TRPC4: variants seen among roughly 807,000 people sequenced by gnomAD.
TRPC4 encodes the protein transient receptor potential cation channel subfamily C member 4, also known as short transient receptor potential channel 4.
In TRPC4, 49 loss-of-function variants were observed where a neutral mutation model predicts 99.4. That is an observed-to-expected ratio of 0.49 (90% CI 0.39 to 0.63). The LOEUF is 0.63. Ranked by LOEUF, TRPC4 falls within the 20% of genes least tolerant of loss-of-function variation. The pLI is 0.00. For missense variants in TRPC4, 898 were observed against 1,152.9 expected, an observed-to-expected ratio of 0.78 and a Z score of 3.20; for synonymous variants, 454 against 425.9, an observed-to-expected ratio of 1.07 and a Z score of -0.81.
chr13:37,696,044 G>A (rs981476263), intron 3 of TRPC4, among the ~76,000 whole-genome samples: 3 of 152,230 alleles, frequency 2.0e-5, no homozygotes, highest in African/African-American at 4.8e-5. Context: ...TTACAGAAGA[G>A]GTTTAATGGA....
At chr13:37,810,110 T>G (rs1566187145) in intron 1 of TRPC4, among the ~76,000 whole-genome samples, 1 of 152,112 alleles carries the variant, frequency 6.6e-6, no homozygotes, top group Non-Finnish European at 1.5e-5. Context: ...ATTCTGGATT[T>G]TACAATGATG....
intron 1 of TRPC4, among the ~76,000 whole-genome samples, chr13:37,812,321 A>T (rs1028115982): frequency 1.3e-5 from 2 of 151,754 alleles, no homozygotes; most frequent in African/African-American, 4.9e-5. Context: ...CATCTAATCA[A>T]AGACTATCAA....
intron 1 of TRPC4, among the ~76,000 whole-genome samples, chr13:37,785,425 G>A (rs1357606556): frequency 7.9e-5 from 12 of 152,006 alleles, no homozygotes; most frequent in Admixed American, 7.9e-4. Flanking sequence ...TTCAATTTCA[G>A]CATTATGCAT....
intron 3 of TRPC4, 75 bp from the exon 4 acceptor site, chr13:37,692,410 C>G (rs1953747316): frequency 3.2e-6 from 4 of 1,247,146 alleles, no homozygotes; most frequent in Non-Finnish European, 4.4e-6. Context: ...AATAAGAACA[C>G]AATTGTGATC....
chr13:37,645,156 G>C (rs1593422327), intron 8 of TRPC4, among the ~76,000 whole-genome samples: 1 of 152,098 alleles, frequency 6.6e-6, no homozygotes, highest in Non-Finnish European at 1.5e-5. Flanking sequence ...GGGCATACCT[G>C]TTGCCACATT....
chr13:37,671,751 G>GT (rs1952851853), intron 5 of TRPC4, among the ~76,000 whole-genome samples: 1 of 152,114 alleles, frequency 6.6e-6, no homozygotes, highest in Admixed American at 6.5e-5. Flanking sequence ...CAACTAGTAA[G>GT]TGATGGAGGA....
At chr13:37,779,359 A>G (rs1265414963) in intron 2 of TRPC4, among the ~76,000 whole-genome samples, 2 of 151,914 alleles carry the variant, frequency 1.3e-5, no homozygotes, top group Non-Finnish European at 1.5e-5. Flanking sequence ...TGCTTAGTGT[A>G]GAGAATCAGA....
chr13:37,667,795 C>T (rs1202888870), intron 5 of TRPC4, among the ~76,000 whole-genome samples: 4 of 152,214 alleles, frequency 2.6e-5, no homozygotes, highest in Non-Finnish European at 4.4e-5. Flanking sequence ...TGTTTTGGCT[C>T]AAACTTTCAC....
chr13:37,715,241 C>T (rs749774258), intron 3 of TRPC4, among the ~76,000 whole-genome samples: 1 of 152,076 alleles, frequency 6.6e-6, no homozygotes, highest in Non-Finnish European at 1.5e-5. Context: ...TTGCCAAAGC[C>T]AAGAGCACAA....
At chr13:37,818,812 G>A (rs941434628) in intron 1 of TRPC4, among the ~76,000 whole-genome samples, 2 of 152,024 alleles carry the variant, frequency 1.3e-5, no homozygotes, top group African/African-American at 4.8e-5. Flanking sequence ...GGGATTGGGG[G>A]CCATTGAAGA....
chr13:37,665,533 C>T lies in TRPC4; in HGVS notation c.1375-1804G>A, dbSNP rs144863225. 6.5e-3 allele frequency among the ~76,000 whole-genome samples: 993 copies of T among 152,116 alleles called. 7 individuals are homozygous for T. Among genetic ancestry groups the T allele is most frequent in the African/African-American group, 0.023 (949 of 41,484 alleles). On this transcript the variant is annotated intron_variant, in intron 5 of 10. Coordinates refer to ENST00000379705, the MANE Select transcript of TRPC4 (RefSeq NM_016179.4). ...TTTCTCCTGTCAAGTATTCATAGCC[C>T]GGTGAGGCAGACAGGCACAACTAAT...
In TRPC4 at chr13:37,663,593, G is replaced by T; in HGVS notation, c.1511C>A (p.Pro504His). 1 of 1,614,170 alleles carries T rather than the reference G, an allele frequency of 6.2e-7. No individual in the cohort carries two copies. Among genetic ancestry groups the T allele is most frequent in the Non-Finnish European group, 8.5e-7 (1 of 1,180,020 alleles). The change falls in exon 6 of 11, where the codon CCT becomes CAT. Residue 504 changes from proline (P) to histidine (H), a missense_variant. Transcript: ENST00000379705. ...SLFTANSHLG[P>H]LQISLGRMLL... ...CATTCTTCCCAGAGATATTTGCAGAGGTCCCAGGTGAGAATTTGCAGTAAA... is the reference window on the plus strand; with the variant it reads ...CATTCTTCCCAGAGATATTTGCAGATGTCCCAGGTGAGAATTTGCAGTAAA...
chr13:37,689,234 G>T (rs1037654826), intron 4 of TRPC4, among the ~76,000 whole-genome samples: 1 of 152,148 alleles, frequency 6.6e-6, no homozygotes, highest in African/African-American at 2.4e-5. Context: ...TGAAAATCCT[G>T]AGAGCTTGTG....
chr13:37,807,397 T>C (rs1323265527), intron 1 of TRPC4, among the ~76,000 whole-genome samples: 2 of 152,088 alleles, frequency 1.3e-5, no homozygotes, highest in African/African-American at 4.8e-5. Context: ...TTTTAGCCTC[T>C]GTCCCTGTCA....
intron 3 of TRPC4, among the ~76,000 whole-genome samples, chr13:37,745,456 A>ATATATATATATATATATGCGTG (rs1955719581): frequency 3.3e-4 from 1 of 3,014 alleles, no homozygotes; most frequent in South Asian, 0.014. Context: ...ATATATATAT[A>ATATATATATATATATATGCGTG]TATATATATA....
intron 1 of TRPC4, among the ~76,000 whole-genome samples, chr13:37,812,176 C>CAAAAAAAAAAAAAAAAAAAAAAA (rs61607544): frequency 2.0e-4 from 11 of 55,150 alleles, no homozygotes; most frequent in East Asian, 6.2e-4. Context: ...GAGACTCTAT[C>CAAAAAAAAAAAAAAAAAAAAAAA]AAAAAAAAAA....
At chr13:37,691,945 A>G in intron 4 of TRPC4, 54 bp downstream of exon 4, 1 of 1,512,840 alleles carries the variant, frequency 6.6e-7, no homozygotes, top group East Asian at 2.3e-5. Context: ...CTGAGCAACG[A>G]AATTCCGTGG....
chr13:37,835,905 T>C (rs1452887116), intron 1 of TRPC4, among the ~76,000 whole-genome samples: 3 of 152,228 alleles, frequency 2.0e-5, no homozygotes, highest in African/African-American at 7.2e-5. Flanking sequence ...TAATGAATTA[T>C]TTGTACTGAA....
chr13:37,661,091 T>G (rs1160573450), intron 6 of TRPC4, among the ~76,000 whole-genome samples: 1 of 152,214 alleles, frequency 6.6e-6, no homozygotes, highest in Non-Finnish European at 1.5e-5. Flanking sequence ...CTGATTTATT[T>G]GGGTTGAATG....
Sources: gnomAD v4.1 joint callset for allele counts (sites outside exome capture counted in the v4.1 genomes callset) on GRCh38, gnomAD v4.1.1 for gene constraint, MANE v1.5 for transcripts, NCBI Gene and HGNC (gene_info 2026-07-23, HGNC 2026-07-21) for gene names.